Variants in GFI1 observed in about 807,000 individuals in gnomAD.
The protein encoded by GFI1 is zinc finger protein Gfi-1.
A neutral mutation model predicts 39.2 loss-of-function variants in GFI1; 15 were observed. The observed-to-expected ratio is 0.38, with a 90% CI of 0.26 to 0.59. The LOEUF is 0.59. Ranked by LOEUF, GFI1 falls within the 20% of genes least tolerant of loss-of-function variation. The pLI, the probability that GFI1 is intolerant of heterozygous loss-of-function variation, is 0.62. For synonymous variants in GFI1, 239 were observed against 254.3 expected, an observed-to-expected ratio of 0.94 and a Z score of 0.57; for missense variants, 475 against 574.0, an observed-to-expected ratio of 0.83 and a Z score of 1.76.
rs1192671918 is a variant in GFI1, at chr1:92,480,148, G to C, written c.924+200C>G. Among the ~76,000 whole-genome samples, 1 of 152,160 alleles carries C rather than the reference G, an allele frequency of 6.6e-6. No individual in the cohort carries two copies. Among genetic ancestry groups the C allele is most frequent in the Non-Finnish European group, 1.5e-5 (1 of 68,012 alleles). On this transcript the variant is annotated intron_variant, in intron 5 of 6. Coordinates refer to ENST00000294702, the MANE Select transcript of GFI1 (RefSeq NM_005263.5). This position sits in a 1 kb window ranked among gnomAD's most constrained non-coding sequence, Gnocchi z 5.6. ...TGGTGTGACACCAAAATCCAGGGCT[G>C]CCTCAAGGCCTGAGCCGGCCACAAT...
At position 92,482,589 on chromosome 1, in the gene GFI1, T is replaced by C. The variant is rs1658314383; in HGVS notation, c.298+275A>G. 6.6e-6 allele frequency among the ~76,000 whole-genome samples: 1 copy of C among 152,136 alleles called. No homozygotes were observed. The highest frequency in any genetic ancestry group is 6.5e-5 in the Admixed American group (1 of 15,284). On this transcript the variant is annotated intron_variant, in intron 3 of 6. Coordinates refer to ENST00000294702, the MANE Select transcript of GFI1 (RefSeq NM_005263.5). This position sits in a 1 kb window ranked among gnomAD's most constrained non-coding sequence, Gnocchi z 4.4. ...CGTTGCCGCCAGTCGAAACGACTGGTTTGTTTTCCGTCACTGGCCAGCTCC... is the reference window on the plus strand; with the variant it reads ...CGTTGCCGCCAGTCGAAACGACTGGCTTGTTTTCCGTCACTGGCCAGCTCC...
chr1:92,473,820 A>T lies in GFI1; in HGVS notation c.*2209T>A, dbSNP rs544009222. Among the ~76,000 whole-genome samples the T allele has an allele frequency of 9.8e-5, 15 of 152,322 alleles. No individual in the cohort carries two copies. In the South Asian group the frequency reaches 3.1e-3, roughly 32 times the overall value. ...CTTAACATCTCAGTAAATATTTATT[A>T]ATCTCCTACTGTGTGCCAGGCACTA... On this transcript the variant is annotated 3_prime_UTR_variant, in exon 7 of 7. Coordinates refer to ENST00000294702, the MANE Select transcript of GFI1 (RefSeq NM_005263.5).
At chr1:92,486,358 C>G (rs1412594283) in intron 1 of GFI1, among the ~76,000 whole-genome samples, 1 of 152,180 alleles carries the variant, frequency 6.6e-6, no homozygotes, top group African/African-American at 2.4e-5. Flanking sequence ...GGTCCGGACA[C>G]TTAGGCACTA....
Position 92,480,829 on chromosome 1 carries a change from G to T in GFI1, c.558C>A (p.Ser186Arg). The T allele has an allele frequency of 1.3e-6, 2 of 1,541,878 alleles. No homozygotes were observed. The highest frequency in any genetic ancestry group is 2.5e-5 in the East Asian group (1 of 40,198). ...GGCCAGCGGTGGCACCGGCCCCTGC[G>T]CTGCAGCTCCCTGGCGCCCCGGCCC... The part of the protein sequence containing the change: ...GAGAGAPGSC[S>R]AGAGATAGPG... Residue 186 changes from serine (S) to arginine (R), a missense_variant, in exon 4 of 7, where the codon AGC (serine) becomes AGA (arginine). Transcript: ENST00000294702. The surrounding 1 kb of genome is among the most constrained non-coding windows in gnomAD (Gnocchi z 5.6).
rs200461550 is a variant in GFI1, at chr1:92,481,129, G to C, written c.299-41C>G. The C allele has an allele frequency of 2.6e-6, 4 of 1,565,934 alleles. No homozygotes were observed. The East Asian group carries it at 9.1e-5, about 36-fold the overall frequency. ...GGGAGCGTCCGGTCAGGCTTCAGACGGCAGAGCGGAGGCCGCCGGGCTGCG... is the reference window on the plus strand; with the variant it reads ...GGGAGCGTCCGGTCAGGCTTCAGACCGCAGAGCGGAGGCCGCCGGGCTGCG... On this transcript the variant is annotated intron_variant, in intron 3 of 6. Transcript: ENST00000294702. This position sits in a 1 kb window ranked among gnomAD's most constrained non-coding sequence, Gnocchi z 4.3.
At chr1:92,486,572 G>T (rs1202278989) in intron 1 of GFI1, among the ~76,000 whole-genome samples, 154 bp downstream of exon 1, 17 of 80,834 alleles carry the variant, frequency 2.1e-4, no homozygotes, top group Non-Finnish European at 3.2e-4. Context: ...ACCACCCCCG[G>T]GTCGGGACCG....
At position 92,480,705 on chromosome 1, in the gene GFI1, C is replaced by A. The variant is rs779127899; in HGVS notation, c.682G>T (p.Gly228Trp). ...CCAGCGCCCTTGTCTGCGTGCAGCCCGTGGCCACGCTCGGGGTACAGCAAG... is the reference window on the plus strand; with the variant it reads ...CCAGCGCCCTTGTCTGCGTGCAGCCAGTGGCCACGCTCGGGGTACAGCAAG... Reference protein sequence around the residue: ...AGLLYPERGHGLHADKGAGVK... With the variant: ...AGLLYPERGHWLHADKGAGVK... Residue 228 changes from glycine to tryptophan, a missense_variant, in exon 4 of 7, where the codon GGG (glycine) becomes TGG (tryptophan). Physicochemically the swap from Gly to Trp is radical, Grantham distance 184. Around this residue, in one of 4 missense-constraint regions of GFI1, gnomAD observed 79 missense variants for 68.4 expected, o/e 1.15. Coordinates refer to ENST00000294702, the MANE Select transcript of GFI1 (RefSeq NM_005263.5). The surrounding 1 kb of genome is among the most constrained non-coding windows in gnomAD (Gnocchi z 5.6). The A allele has an allele frequency of 1.3e-6, 2 of 1,595,704 alleles. No individual in the cohort carries two copies. The highest frequency in any genetic ancestry group is 1.7e-5 in the Admixed American group (1 of 59,602).
chr1:92,479,148 G>A (rs1005124823), intron 5 of GFI1, among the ~76,000 whole-genome samples: 3 of 152,208 alleles, frequency 2.0e-5, no homozygotes, highest in South Asian at 4.1e-4. Flanking sequence ...TTACAGGCGT[G>A]AGCCACCGTG....
At chr1:92,486,426 A>C (rs983262601) in intron 1 of GFI1, among the ~76,000 whole-genome samples, 46 of 152,238 alleles carry the variant, frequency 3.0e-4, no homozygotes, top group African/African-American at 1.0e-3. Context: ...CCGCAGCGAG[A>C]GAAGCCACAG....
intron 5 of GFI1, among the ~76,000 whole-genome samples, chr1:92,479,529 C>G (rs1277999201): frequency 7.2e-5 from 11 of 152,160 alleles, no homozygotes; most frequent in Admixed American, 3.3e-4. Flanking sequence ...TGGAAGTTAG[C>G]CAACAAATAT....
In GFI1 at chr1:92,474,015, GC is replaced by G. The variant is rs1657843359; in HGVS notation, c.*2013del. 6.6e-6 allele frequency among the ~76,000 whole-genome samples: 1 copy of G among 152,220 alleles called. No homozygotes were observed. Among genetic ancestry groups the G allele is most frequent in the Non-Finnish European group, 1.5e-5 (1 of 68,040 alleles). On this transcript the variant is annotated 3_prime_UTR_variant, in exon 7 of 7. Transcript: ENST00000294702. ...GCAATCTGCTGGTTCTCACCATGGG[GC>G]ATGCATACCCTGAATGTCTGGCTGG...
rs922511388 is a variant in GFI1 at position 92,484,878 on chromosome 1, C to T, written c.-99-1292G>A. ...CTCGGCTGGTTCAGAAACGAGGGTG[C>T]TGGGAACTCTGGGCCGGGGCAGGAC... On this transcript the variant is annotated intron_variant, in intron 1 of 6. Transcript: ENST00000294702. The surrounding 1 kb of genome is among the most constrained non-coding windows in gnomAD (Gnocchi z 4.1). Among the ~76,000 whole-genome samples, 1 of 152,220 alleles carries T rather than the reference C, an allele frequency of 6.6e-6. No individual in the cohort carries two copies. The highest frequency in any genetic ancestry group is 2.4e-5 in the African/African-American group (1 of 41,464).
chr1:92,486,438 T>C (rs1380422265), intron 1 of GFI1, among the ~76,000 whole-genome samples: 1 of 152,084 alleles, frequency 6.6e-6, no homozygotes, highest in African/African-American at 2.4e-5. Flanking sequence ...AAGCCACAGA[T>C]TGAGGACACA....
At chr1:92,485,838 T>C (rs1020215952) in intron 1 of GFI1, among the ~76,000 whole-genome samples, 7 of 152,166 alleles carry the variant, frequency 4.6e-5, no homozygotes, top group African/African-American at 1.4e-4. Flanking sequence ...CCAGTCACAC[T>C]GCGCGGGTCG....
intron 1 of GFI1, chr1:92,483,841 C>T (rs1658409348): frequency 2.7e-6 from 1 of 369,892 alleles, no homozygotes; most frequent in Non-Finnish European, 5.2e-6. Context: ...AGGCCCCTTT[C>T]CTCCTCCCTG....
At chr1:92,476,447 A>T (rs960509335) in intron 6 of GFI1, among the ~76,000 whole-genome samples, 2 of 152,196 alleles carry the variant, frequency 1.3e-5, no homozygotes, top group African/African-American at 4.8e-5. Context: ...TCCCAGCCAA[A>T]GGCCTCAAAC....
rs1658441943 is a variant in GFI1 at position 92,484,668 on chromosome 1, T to C, written c.-99-1082A>G. ...ATTAACCCCCAATCAGTTCACCTAA[T>C]ACCAGGTCGAAATCTGAGCGCAGCG... On this transcript the variant is annotated intron_variant, in intron 1 of 6. Coordinates refer to ENST00000294702, the MANE Select transcript of GFI1 (RefSeq NM_005263.5). The surrounding 1 kb of genome is among the most constrained non-coding windows in gnomAD (Gnocchi z 4.1). 2 of 152,260 alleles carry C rather than the reference T, an allele frequency of 1.3e-5. No individual in the cohort carries two copies. The highest frequency in any genetic ancestry group is 1.3e-4 in the Admixed American group (2 of 15,298). The allele number at this position is 152,260 out of a possible 1,614,324, so 9.4% of individuals were successfully genotyped here.
At position 92,483,363 on chromosome 1, in the gene GFI1, C is replaced by T; in HGVS notation, c.115+10G>A. 2.0e-6 allele frequency: 3 copies of T among 1,495,444 alleles called. No individual in the cohort carries two copies. Among genetic ancestry groups the T allele is most frequent in the South Asian group, 1.1e-5 (1 of 88,762 alleles). The allele number at this position is 1,495,444 out of a possible 1,614,324, so 92.6% of individuals were successfully genotyped here. ...GGAGCAGCCCCGCCTGGCCCGCGCGCGCCTCGCACCTGCTCGGCTAGGCGC... is the reference window on the plus strand; with the variant it reads ...GGAGCAGCCCCGCCTGGCCCGCGCGTGCCTCGCACCTGCTCGGCTAGGCGC... On this transcript the variant is annotated intron_variant, in intron 2 of 6. Transcript: ENST00000294702.
chr1:92,483,895 C>A (rs1324028520), intron 1 of GFI1: 2 of 334,668 alleles, frequency 6.0e-6, no homozygotes, highest in Non-Finnish European at 1.2e-5. Flanking sequence ...AAGCTCGCTC[C>A]GGCAATCAAA....
Sources: gnomAD v4.1 joint callset for allele counts (sites outside exome capture counted in the v4.1 genomes callset) on GRCh38, gnomAD v4.1.1 for gene constraint, gnomAD v4.1.1 regional missense constraint, Gnocchi (gnomAD v3.1) non-coding constraint, MANE v1.5 for transcripts, NCBI Gene and HGNC (gene_info 2026-07-23, HGNC 2026-07-21) for gene names.